Variants in NFIB observed in about 807,000 individuals in gnomAD.
NFIB encodes nuclear factor 1 B-type.
Under a neutral mutation model 61.5 loss-of-function variants are expected in NFIB, and 11 were observed. The observed-to-expected ratio is 0.18, with a 90% CI of 0.11 to 0.30. The LOEUF is 0.30. Ranked by LOEUF, NFIB falls within the 10% of genes least tolerant of loss-of-function variation. NFIB has a pLI of 1.00. For missense variants in NFIB, 471 were observed against 608.9 expected (o/e 0.77, Z 2.38); for synonymous variants, 260 against 216.5 (o/e 1.20, Z -1.76).
intron 1 of NFIB, chr9:14,347,278 G>A (rs1203646584): frequency 2.0e-5 from 3 of 152,292 alleles, no homozygotes; most frequent in East Asian, 3.9e-4. Context: ...ACTGAGAGTG[G>A]GGGATGAGAA....
intron 2 of NFIB, among the ~76,000 whole-genome samples, chr9:14,243,774 G>A (rs910359014): frequency 6.6e-6 from 1 of 152,016 alleles, no homozygotes; most frequent in African/African-American, 2.4e-5. Context: ...TCCACTCAAA[G>A]ACCAGGAAAC....
intron 2 of NFIB, among the ~76,000 whole-genome samples, chr9:14,273,177 G>A (rs528086702): frequency 6.6e-6 from 1 of 152,192 alleles, no homozygotes; most frequent in South Asian, 2.1e-4. Flanking sequence ...AGCAAATCAA[G>A]GCACTCTTTT....
intron 4 of NFIB, among the ~76,000 whole-genome samples, chr9:14,151,984 A>G (rs2042920122): frequency 6.6e-6 from 1 of 152,110 alleles, no homozygotes; most frequent in South Asian, 2.1e-4. Flanking sequence ...TGAATATTCT[A>G]AATGTGTTCA....
intron 6 of NFIB, among the ~76,000 whole-genome samples, chr9:14,142,889 G>A (rs2041908171): frequency 6.6e-6 from 1 of 152,014 alleles, no homozygotes; most frequent in South Asian, 2.1e-4. Flanking sequence ...TGAAACATAG[G>A]AAAGAAATAT....
At position 14,233,945 on chromosome 9, in the gene NFIB, A is replaced by G. The variant is rs367805958; in HGVS notation, c.563-54165T>C. Among the ~76,000 whole-genome samples the G allele has an allele frequency of 7.2e-5, 11 of 152,314 alleles. No homozygotes were observed. The East Asian group carries it at 1.7e-3, about 24-fold the overall frequency. On this transcript the variant is annotated intron_variant, in intron 2 of 10. Coordinates refer to ENST00000380953, the MANE Select transcript of NFIB (RefSeq NM_001190737.2). ...AAAGGAAAATTTTTGTTTAATTTAT[A>G]TAACATCTTACTTATAGATGCTTTA...
the NFIB span, among the ~76,000 whole-genome samples, chr9:14,529,409 C>A: frequency 1.4e-3 from 217 of 152,176 alleles, 1 homozygote; most frequent in Non-Finnish European, 2.3e-3. Flanking sequence ...CTTTCTTACA[C>A]AAAGAGCCCA....
the NFIB span, among the ~76,000 whole-genome samples, chr9:14,456,718 C>T: frequency 6.6e-6 from 1 of 152,098 alleles, no homozygotes; most frequent in Non-Finnish European, 1.5e-5. Context: ...ATTATGTTGG[C>T]AAATGGAAGC....
intron 2 of NFIB, among the ~76,000 whole-genome samples, chr9:14,233,460 C>G: frequency 7.2e-6 from 1 of 138,348 alleles, no homozygotes; most frequent in Non-Finnish European, 1.5e-5. Context: ...TGGAGTCTCA[C>G]TCTGTCGCCC....
In NFIB at chr9:14,179,749, A is replaced by T. The variant is rs748665864; in HGVS notation, c.594T>A (p.Asn198Lys). 1 of 1,613,650 alleles carries T rather than the reference A, an allele frequency of 6.2e-7. No homozygotes were observed. Among genetic ancestry groups the T allele is most frequent in the Non-Finnish European group, 8.5e-7 (1 of 1,179,700 alleles). Reference sequence around the variant, plus strand: ...TACCTGGAGGATTCTTGGCAGGATCATTGTGGCTTGGACTTCCTGATTGTC... The same window carrying T: ...TACCTGGAGGATTCTTGGCAGGATCTTTGTGGCTTGGACTTCCTGATTGTC... ...DSGQSGSPSHNDPAKNPPGYL... is the reference protein window; with the variant it reads ...DSGQSGSPSHKDPAKNPPGYL... The change falls in exon 3 of 11, where the codon AAT becomes AAA. Residue 198 changes from asparagine to lysine, a missense_variant. Coordinates refer to ENST00000380953, the MANE Select transcript of NFIB (RefSeq NM_001190737.2).
intron 2 of NFIB, among the ~76,000 whole-genome samples, chr9:14,302,402 C>G (rs2059796602): frequency 6.6e-6 from 1 of 152,136 alleles, no homozygotes; most frequent in African/African-American, 2.4e-5. Flanking sequence ...TTCACAACTT[C>G]AAAATGTACT....
chr9:14,512,467 A>G, the NFIB span, among the ~76,000 whole-genome samples: 1 of 152,090 alleles, frequency 6.6e-6, no homozygotes, highest in East Asian at 1.9e-4. Context: ...GTATCTTCGT[A>G]TTTCTAGGCA....
the NFIB span, among the ~76,000 whole-genome samples, chr9:14,499,626 G>T: frequency 6.6e-6 from 1 of 152,132 alleles, no homozygotes; most frequent in South Asian, 2.1e-4. Context: ...GTATTCTTTG[G>T]ATATGGAAAA....
rs1449200775 is a variant in NFIB at position 14,116,393 on chromosome 9, T to C, written c.1246-47A>G. ...CCGGGTGAAGCAATCCAAAAGGCAG[T>C]CATCTTGTTCAACAAGTCCACTCAG... On this transcript the variant is annotated intron_variant, in intron 8 of 10. Transcript: ENST00000380953. 12 of 1,431,566 alleles carry C rather than the reference T, an allele frequency of 8.4e-6. No homozygotes were observed. In the South Asian group the frequency reaches 1.1e-4, roughly 13 times the overall value. The allele number at this position is 1,431,566 out of a possible 1,614,324, so 88.7% of individuals were successfully genotyped here. A position where few individuals can be genotyped will look rare whatever the true frequency, so the allele number is the denominator to read the frequency against.
At chr9:14,092,021 A>C (rs532811) in intron 10 of NFIB, among the ~76,000 whole-genome samples, 31,455 of 152,120 alleles carry the variant, frequency 0.21, 4,023 homozygotes, top group South Asian at 0.45. Context: ...AAAAGGGAAG[A>C]AGCAAATGAA....
intron 2 of NFIB, among the ~76,000 whole-genome samples, chr9:14,262,937 A>G (rs994971769): frequency 2.6e-5 from 4 of 152,154 alleles, no homozygotes; most frequent in African/African-American, 7.2e-5. Context: ...AAAAAATTCA[A>G]TGTCGACATA....
the NFIB span, among the ~76,000 whole-genome samples, chr9:14,476,739 C>A: frequency 6.6e-6 from 1 of 152,132 alleles, no homozygotes; most frequent in African/African-American, 2.4e-5. Context: ...CAAGAAAACC[C>A]GGTAATCTCT....
chr9:14,193,052 C>T (rs1435971839), intron 2 of NFIB, among the ~76,000 whole-genome samples: 1 of 151,752 alleles, frequency 6.6e-6, no homozygotes, highest in Non-Finnish European at 1.5e-5. Flanking sequence ...AGCACTGCCA[C>T]CATTCAGTAC....
intron 1 of NFIB, among the ~76,000 whole-genome samples, chr9:14,387,987 T>C (rs892891818): frequency 1.7e-4 from 26 of 152,172 alleles, no homozygotes; most frequent in South Asian, 2.1e-4. Flanking sequence ...TACAGAATTG[T>C]ATATAAGCTC....
chr9:14,434,940 A>C, the NFIB span, among the ~76,000 whole-genome samples: 1 of 152,232 alleles, frequency 6.6e-6, no homozygotes, highest in Admixed American at 6.5e-5. Flanking sequence ...TCATGCATGT[A>C]TTGATTGGGT....
Sources: allele counts gnomAD v4.1 joint callset (sites outside exome capture counted in the v4.1 genomes callset), GRCh38; gene constraint gnomAD v4.1.1; transcripts MANE v1.5; gene names NCBI Gene and HGNC (gene_info 2026-07-23, HGNC 2026-07-21).